The following RGPD2 variants were observed in gnomAD, a reference collection of about 807,000 sequenced individuals.
RGPD2 encodes RANBP2-like and GRIP domain-containing protein 2.
A neutral mutation model predicts 36.0 loss-of-function variants in RGPD2; 2 were observed. The ratio of observed to expected loss-of-function variants is 0.06; its 90% confidence interval spans 0.02 to 0.17. The LOEUF is 0.17. Ranked by LOEUF, RGPD2 falls within the 10% of genes least tolerant of loss-of-function variation. The pLI is 1.00. For synonymous variants in RGPD2, 19 were observed against 163.8 expected (o/e 0.12, Z 6.75); for missense variants, 40 against 464.3 (o/e 0.09, Z 8.40).
At chr2:87,827,374 A>G (rs1312469408), upstream of RGPD2, among the ~76,000 whole-genome samples, 9 of 152,092 alleles carry the variant, frequency 5.9e-5, no homozygotes, top group African/African-American at 2.2e-4. Context: ...TAAATCAGAG[A>G]TAACCTGGGT....
At chr2:87,781,765 A>G (rs1305711266) in intron 20 of RGPD2, among the ~76,000 whole-genome samples, 1 of 143,502 alleles carries the variant, frequency 7.0e-6, no homozygotes. Context: ...CCCAGCCTCA[A>G]TATCATGTTT....
the RGPD2 span, among the ~76,000 whole-genome samples, chr2:87,938,290 C>CA: frequency 6.6e-6 from 1 of 151,702 alleles, no homozygotes; most frequent in East Asian, 1.9e-4. Flanking sequence ...AGGTTATGCA[C>CA]AGAGATGTTA....
the RGPD2 span, among the ~76,000 whole-genome samples, chr2:87,939,750 A>G: frequency 2.6e-5 from 4 of 151,922 alleles, no homozygotes; most frequent in Non-Finnish European, 5.9e-5. Context: ...GAGAGAGAGA[A>G]AGAGAGAGAA....
At chr2:87,827,216 T>TAAAATACC (rs1686837804), upstream of RGPD2, among the ~76,000 whole-genome samples, 2 of 152,102 alleles carry the variant, frequency 1.3e-5, no homozygotes, top group Non-Finnish European at 2.9e-5. Context: ...AAAAATGGAT[T>TAAAATACC]TTAAAGGTAT....
In RGPD2 at chr2:87,781,447, G is replaced by T. The variant is rs1173432270; in HGVS notation, c.4900+677C>A. On this transcript the variant is annotated intron_variant, in intron 20 of 22. Transcript: ENST00000398146. ...AAAATGAGAACATCTCAATATCATG[G>T]TTTTTTTTGTTTTTTTGTTTTTTTT... 2.4e-3 allele frequency among the ~76,000 whole-genome samples: 281 copies of T among 118,444 alleles called. 2 individuals carry two copies. Among genetic ancestry groups the T allele is most frequent in the African/African-American group, 7.3e-3 (225 of 30,866 alleles). 77.7% of individuals were successfully genotyped at this position (118,444 alleles called of 152,430 possible). A position where few individuals can be genotyped will look rare whatever the true frequency, so the allele number is the denominator to read the frequency against.
chr2:87,871,594 G>A, the RGPD2 span, among the ~76,000 whole-genome samples: 8 of 151,276 alleles, frequency 5.3e-5, no homozygotes, highest in African/African-American at 1.2e-4. Flanking sequence ...GTCCGGGTGC[G>A]GTGGCTCACG....
At chr2:87,917,055 G>A in the RGPD2 span, among the ~76,000 whole-genome samples, 1,172 of 152,116 alleles carry the variant, frequency 7.7e-3, 5 homozygotes, top group South Asian at 0.022. Context: ...ACTGACACAT[G>A]CAAATATCTA....
chr2:87,893,309 A>T, the RGPD2 span, among the ~76,000 whole-genome samples: 1 of 150,354 alleles, frequency 6.7e-6, no homozygotes, highest in Non-Finnish European at 1.5e-5. Context: ...TTTTAATATT[A>T]TTTTTTCAGG....
the RGPD2 span, among the ~76,000 whole-genome samples, chr2:87,984,020 G>T: frequency 2.8e-4 from 42 of 150,462 alleles, 1 homozygote; most frequent in Admixed American, 2.5e-3. Flanking sequence ...GCAACCTGAC[G>T]TTATCAAACA....
chr2:87,915,634 G>GTA, the RGPD2 span, among the ~76,000 whole-genome samples: 3 of 144,348 alleles, frequency 2.1e-5, no homozygotes, highest in East Asian at 2.0e-4. Context: ...ATATGTGCGT[G>GTA]TATATATATA....
At chr2:87,857,666 C>T in the RGPD2 span, among the ~76,000 whole-genome samples, 91 of 151,430 alleles carry the variant, frequency 6.0e-4, no homozygotes, top group South Asian at 0.013. Flanking sequence ...AGGCTAGGCG[C>T]GGTGTCTCAC....
the RGPD2 span, among the ~76,000 whole-genome samples, chr2:87,879,334 T>G: frequency 6.6e-6 from 1 of 152,100 alleles, no homozygotes; most frequent in Admixed American, 6.5e-5. Context: ...AAATGTATAA[T>G]TAAATTATTA....
chr2:87,923,976 A>T, the RGPD2 span, among the ~76,000 whole-genome samples: 1 of 149,938 alleles, frequency 6.7e-6, no homozygotes, highest in Non-Finnish European at 1.5e-5. Flanking sequence ...TTGAGTTGTT[A>T]TTCAGAATAA....
the RGPD2 span, chr2:87,988,961 A>G: frequency 4.2e-3 from 1,373 of 329,488 alleles, 17 homozygotes; most frequent in African/African-American, 0.028. Flanking sequence ...GGACATCACA[A>G]AGCACTCCCT....
At chr2:87,857,740 C>A in the RGPD2 span, among the ~76,000 whole-genome samples, 1 of 146,480 alleles carries the variant, frequency 6.8e-6, no homozygotes. Flanking sequence ...AGATTGAGAC[C>A]ATCCTGGCCA....
At chr2:87,930,697 G>A in the RGPD2 span, among the ~76,000 whole-genome samples, 1 of 150,782 alleles carries the variant, frequency 6.6e-6, no homozygotes, top group South Asian at 2.1e-4. Context: ...CTGATCCTGG[G>A]CTTTTTTGGG....
chr2:87,834,810 A>T, the RGPD2 span, among the ~76,000 whole-genome samples: 6 of 152,064 alleles, frequency 3.9e-5, no homozygotes, highest in East Asian at 1.9e-4. Flanking sequence ...GAGGATTTTT[A>T]AAAAAATGGT....
the RGPD2 span, among the ~76,000 whole-genome samples, chr2:87,858,026 C>A: frequency 6.6e-6 from 1 of 152,238 alleles, no homozygotes; most frequent in Non-Finnish European, 1.5e-5. Context: ...ATTACGTTAA[C>A]TGCAATATAG....
At chr2:87,939,308 C>G in the RGPD2 span, among the ~76,000 whole-genome samples, 7,501 of 151,898 alleles carry the variant, frequency 0.049, 30 homozygotes, top group African/African-American at 0.087. Flanking sequence ...AAGATGTTAC[C>G]TTCCCATTGT....
Sources: gnomAD v4.1 joint callset for allele counts (sites outside exome capture counted in the v4.1 genomes callset) on GRCh38, gnomAD v4.1.1 for gene constraint, MANE v1.5 for transcripts, NCBI Gene and HGNC (gene_info 2026-07-23, HGNC 2026-07-21) for gene names.